Variants in PPP1CA observed in about 807,000 individuals in gnomAD.
The protein encoded by PPP1CA is protein phosphatase 1 catalytic subunit alpha.
Under a neutral mutation model 38.5 loss-of-function variants are expected in PPP1CA, and 14 were observed. The observed-to-expected ratio is 0.36, with a 90% CI of 0.24 to 0.57. The LOEUF (loss-of-function observed/expected upper bound fraction) is 0.57, where lower values mean the gene tolerates loss of function less well. Among genes scored for constraint, PPP1CA ranks in the 20% least tolerant of loss-of-function variants. The probability of loss-of-function intolerance (pLI) is 0.80; values close to 1 mark genes in which losing one functional copy is unlikely to be tolerated. For missense variants in PPP1CA, 277 were observed against 435.2 expected, an observed-to-expected ratio of 0.64 and a Z score of 3.23; for synonymous variants, 200 against 177.3, an observed-to-expected ratio of 1.13 and a Z score of -1.02.
chr11:67,399,159 C>T lies in PPP1CA; in HGVS notation c.528G>A (p.Leu176=), dbSNP rs1231929974. 1.2e-6 allele frequency: 2 copies of T among 1,612,614 alleles called. No individual in the cohort carries two copies. Among genetic ancestry groups the T allele is most frequent in the Non-Finnish European group, 1.7e-6 (2 of 1,179,538 alleles). The change falls in exon 5 of 7, where the codon CTG becomes CTA. Residue 176 remains leucine (L), a synonymous_variant. Coordinates refer to ENST00000376745, the MANE Select transcript of PPP1CA (RefSeq NM_002708.4). The part of the protein sequence containing the change: ...DEKIFCCHGG[L]SPDLQSMEQI... ...GCTCCATAGACTGCAGGTCCGGGGACAGGCCTGGGGGGCCGGGGGAAGGTC... is the reference window on the plus strand; with the variant it reads ...GCTCCATAGACTGCAGGTCCGGGGATAGGCCTGGGGGGCCGGGGGAAGGTC...
chr11:67,399,782 AC>A (rs869110594), intron 3 of PPP1CA, 117 bp from the exon 4 acceptor site: 1 of 716,818 alleles, frequency 1.4e-6, no homozygotes, highest in African/African-American at 1.8e-5. Context: ...ACCACCCCCC[AC>A]CCCTGCCACC....
At chr11:67,399,686 G>A in intron 3 of PPP1CA, 21 bp from the exon 4 acceptor site, 3 of 1,594,976 alleles carry the variant, frequency 1.9e-6, no homozygotes, top group South Asian at 1.1e-5. Flanking sequence ...GGAGGTGGCT[G>A]TGAGGTGCCT....
At position 67,401,721 on chromosome 11, in the gene PPP1CA, G is replaced by A. The variant is rs763626737; in HGVS notation, c.55+7C>T. 46 of 1,444,472 alleles carry A rather than the reference G, an allele frequency of 3.2e-5. No individual in the cohort carries two copies. In the East Asian group the frequency reaches 1.1e-3, roughly 33 times the overall value. The allele number at this position is 1,444,472 out of a possible 1,614,324, so 89.5% of individuals were successfully genotyped here. On this transcript the variant is annotated splice_region_variant and intron_variant, in intron 1 of 6. Coordinates refer to ENST00000376745, the MANE Select transcript of PPP1CA (RefSeq NM_002708.4). Reference sequence around the variant, plus strand: ...GGCGGACGCGGGCCTCCCCCGCCCCGACCAACCTTCCAGCAGGCGCCCGAT... The same window carrying A: ...GGCGGACGCGGGCCTCCCCCGCCCCAACCAACCTTCCAGCAGGCGCCCGAT...
chr11:67,399,456 G>A lies in PPP1CA; in HGVS notation c.523+105C>T, dbSNP rs1480892538. 9.8e-6 allele frequency: 10 copies of A among 1,017,600 alleles called. No individual in the cohort carries two copies. The Admixed American group carries it at 1.4e-4, about 14-fold the overall frequency. 63.0% of individuals were successfully genotyped at this position (1,017,600 alleles called of 1,614,324 possible). ...CAGCCCAGCACAGTGGGGTATGGGG[G>A]ACACTTCCTGGAAGGAGTGACTTCC... On this transcript the variant is annotated intron_variant, in intron 4 of 6. Coordinates refer to ENST00000376745, the MANE Select transcript of PPP1CA (RefSeq NM_002708.4).
rs776393750 is a variant in PPP1CA at position 67,398,979 on chromosome 11, G to C, written c.708C>G (p.Leu236=). 1 of 1,613,408 alleles carries C rather than the reference G, an allele frequency of 6.2e-7. No individual in the cohort carries two copies. The highest frequency in any genetic ancestry group is 8.5e-7 in the Non-Finnish European group (1 of 1,180,022). ...AGATGAGGTCCAAGTCGTGCTTGTG[G>C]AGGAACTTGGCCACCACCTCGGCTC... ...TFGAEVVAKF[L]HKHDLDLICR... is the part of the protein sequence containing the mutation. The change falls in exon 5 of 7, where the codon CTC becomes CTG. Residue 236 remains leucine (L), a synonymous_variant. Coordinates refer to ENST00000376745, the MANE Select transcript of PPP1CA (RefSeq NM_002708.4).
chr11:67,400,442 G>A (rs1314166769), intron 3 of PPP1CA, among the ~76,000 whole-genome samples: 1 of 152,214 alleles, frequency 6.6e-6, no homozygotes, highest in Non-Finnish European at 1.5e-5. Flanking sequence ...CAAATGTAGG[G>A]GGAGTGTCAC....
At chr11:67,401,286 G>T in intron 1 of PPP1CA, 87 bp from the exon 2 acceptor site, 1 of 1,586,128 alleles carries the variant, frequency 6.3e-7, no homozygotes, top group Non-Finnish European at 8.6e-7. Context: ...CTCCGGGGGC[G>T]CCTAGGCCTC....
chr11:67,399,323 C>T (rs1289379287), intron 4 of PPP1CA, among the ~76,000 whole-genome samples, 160 bp from the exon 5 acceptor site: 5 of 152,194 alleles, frequency 3.3e-5, no homozygotes, highest in Non-Finnish European at 7.4e-5. Flanking sequence ...TCAGCTTTTT[C>T]AAGTTCCCAA....
Position 67,399,021 on chromosome 11 carries a change from G to A in PPP1CA, c.666C>T (p.Gly222=), listed in dbSNP as rs750609820. The A allele has an allele frequency of 1.5e-5, 25 of 1,613,494 alleles. No homozygotes were observed. The highest frequency in any genetic ancestry group is 1.9e-5 in the Non-Finnish European group (23 of 1,180,008). Reference sequence around the variant, plus strand: ...CCTCGGCTCCAAAGGTAAAAGAGACGCCACGGTCGTTCTCGCCCCAGCCCT... The same window carrying A: ...CCTCGGCTCCAAAGGTAAAAGAGACACCACGGTCGTTCTCGCCCCAGCCCT... ...DVQGWGENDR[G]VSFTFGAEVV... is the part of the protein sequence containing the mutation. Residue 222 remains glycine (G), a synonymous_variant, in exon 5 of 7, where the codon GGC becomes GGT. Coordinates refer to ENST00000376745, the MANE Select transcript of PPP1CA (RefSeq NM_002708.4).
intron 3 of PPP1CA, among the ~76,000 whole-genome samples, chr11:67,399,918 C>G (rs1242317711): frequency 6.6e-6 from 1 of 152,154 alleles, no homozygotes; most frequent in African/African-American, 2.4e-5. Flanking sequence ...GGCGGATCAC[C>G]TGAGGTCAGA....
At position 67,401,738 on chromosome 11, in the gene PPP1CA, G is replaced by C; in HGVS notation, c.45C>G (p.Arg15=). ...EKLNLDSIIG[R]LLEVQGSRPG... ...CCCGCCCCGACCAACCTTCCAGCAGGCGCCCGATGATCGAGTCCAGGTTGA... is the reference window on the plus strand; with the variant it reads ...CCCGCCCCGACCAACCTTCCAGCAGCCGCCCGATGATCGAGTCCAGGTTGA... The change falls in exon 1 of 7, where the codon CGC becomes CGG. Residue 15 remains arginine (R), a synonymous_variant. Transcript: ENST00000376745. 6.8e-7 allele frequency: 1 copy of C among 1,476,770 alleles called. No homozygotes were observed. Among genetic ancestry groups the C allele is most frequent in the Non-Finnish European group, 9.0e-7 (1 of 1,105,068 alleles). The allele number at this position is 1,476,770 out of a possible 1,614,324, so 91.5% of individuals were successfully genotyped here.
chr11:67,400,124 T>C (rs1258290572), intron 3 of PPP1CA, among the ~76,000 whole-genome samples: 1 of 151,870 alleles, frequency 6.6e-6, no homozygotes, highest in Non-Finnish European at 1.5e-5. Flanking sequence ...GCAACAAGAG[T>C]GAAACTCCGT....
At chr11:67,398,694 T>G (rs762596766) in intron 6 of PPP1CA, 28 bp downstream of exon 6, 1 of 1,613,194 alleles carries the variant, frequency 6.2e-7, no homozygotes, top group Non-Finnish European at 8.5e-7. Context: ...CCACAGGGCC[T>G]AGCGGCTCCT....
At chr11:67,399,225 G>T (rs1308812875) in intron 4 of PPP1CA, 62 bp from the exon 5 acceptor site, 1 of 1,465,578 alleles carries the variant, frequency 6.8e-7, no homozygotes, top group Non-Finnish European at 9.4e-7. Context: ...GGAAGCCTTG[G>T]CCAATGAACC....
chr11:67,401,348 C>G, intron 1 of PPP1CA, 149 bp from the exon 2 acceptor site: 1 of 1,372,650 alleles, frequency 7.3e-7, no homozygotes, highest in East Asian at 2.4e-5. Flanking sequence ...CTCCCGGGAC[C>G]GCGGCCTCAA....
At position 67,398,782 on chromosome 11, in the gene PPP1CA, G is replaced by A. The variant is rs763537749; in HGVS notation, c.822C>T (p.Gly274=). 2.2e-5 allele frequency: 35 copies of A among 1,613,742 alleles called. No individual in the cohort carries two copies. The highest frequency in any genetic ancestry group is 3.3e-4 in the Middle Eastern group (2 of 6,084). The change falls in exon 6 of 7, where the codon GGC becomes GGT. Residue 274 remains glycine (G), a synonymous_variant. Coordinates refer to ENST00000376745, the MANE Select transcript of PPP1CA (RefSeq NM_002708.4). The part of the protein sequence containing the change: ...VTLFSAPNYC[G]EFDNAGAMMS... ...TCATGGCGCCAGCATTGTCAAACTC[G>A]CCACAGTAGTTGGGAGCTGAGAAAA...
At chr11:67,401,538 G>A in intron 1 of PPP1CA, 190 bp downstream of exon 1, 1 of 547,078 alleles carries the variant, frequency 1.8e-6, no homozygotes, top group Non-Finnish European at 3.0e-6. Context: ...GAGGGGGGGA[G>A]CTGCTCCGCG....
intron 1 of PPP1CA, chr11:67,401,401 G>A (rs1160077719): frequency 1.1e-5 from 10 of 872,460 alleles, no homozygotes; most frequent in African/African-American, 5.1e-5. Context: ...CGCCTCGGGA[G>A]GCGACTGTCG....
intron 3 of PPP1CA, 67 bp from the exon 4 acceptor site, chr11:67,399,732 T>A: frequency 7.5e-7 from 1 of 1,338,522 alleles, no homozygotes; most frequent in Non-Finnish European, 1.1e-6. Context: ...CCTGGGCTAT[T>A]CAGCCGTGGC....
Sources: gnomAD v4.1 joint callset for allele counts (sites outside exome capture counted in the v4.1 genomes callset) on GRCh38, gnomAD v4.1.1 for gene constraint, MANE v1.5 for transcripts, NCBI Gene and HGNC (gene_info 2026-07-23, HGNC 2026-07-21) for gene names.